PREP: variants seen among roughly 807,000 people sequenced by gnomAD.
The protein encoded by PREP is dJ355L5.1 (prolyl endopeptidase).
In PREP, 29 loss-of-function variants were observed where a neutral mutation model predicts 87.6. That is an observed-to-expected ratio of 0.33 (90% CI 0.25 to 0.45). The LOEUF (loss-of-function observed/expected upper bound fraction) is 0.45. Ranked by LOEUF, PREP falls within the 20% of genes least tolerant of loss-of-function variation. The pLI, the probability that PREP is intolerant of heterozygous loss-of-function variation, is 1.00. For synonymous variants in PREP, 337 were observed against 328.6 expected (o/e 1.03, Z -0.28); for missense variants, 695 against 886.5 (o/e 0.78, Z 2.74).
At chr6:105,335,600 AT>A (rs1771456788) in intron 7 of PREP, among the ~76,000 whole-genome samples, 1 of 152,192 alleles carries the variant, frequency 6.6e-6, no homozygotes, top group African/African-American at 2.4e-5. Flanking sequence ...ATAGGTAAAT[AT>A]AAAAATAGGG....
At chr6:105,377,834 T>C (rs117099422) in intron 2 of PREP, among the ~76,000 whole-genome samples, 215 of 152,298 alleles carry the variant, frequency 1.4e-3, no homozygotes, top group Admixed American at 2.5e-3. Context: ...ACTTTACAGA[T>C]TGGGAAACTG....
intron 7 of PREP, 91 bp downstream of exon 7, chr6:105,352,881 A>AG: frequency 9.0e-7 from 1 of 1,109,332 alleles, no homozygotes; most frequent in South Asian, 1.4e-5. Context: ...AGAATGGAAG[A>AG]GGGTCTTGGG....
At chr6:105,376,844 A>G (rs930601623) in intron 3 of PREP, among the ~76,000 whole-genome samples, 3 of 152,232 alleles carry the variant, frequency 2.0e-5, no homozygotes, top group Non-Finnish European at 4.4e-5. Context: ...TGGTAGGCAG[A>G]CTGTACGTTG....
At chr6:105,302,670 A>G in intron 10 of PREP, 1 of 482,482 alleles carries the variant, frequency 2.1e-6, no homozygotes, top group Non-Finnish European at 4.0e-6. Context: ...GGGCAATGGA[A>G]TTGTGGATGA....
At chr6:105,344,748 C>T (rs1401459422) in intron 7 of PREP, among the ~76,000 whole-genome samples, 1 of 152,098 alleles carries the variant, frequency 6.6e-6, no homozygotes, top group African/African-American at 2.4e-5. Flanking sequence ...TTAATGGGTG[C>T]AGCACACCAA....
In PREP at chr6:105,323,676, G is replaced by C; in HGVS notation, c.1306C>G (p.Gln436Glu). 1 of 1,609,708 alleles carries C rather than the reference G, an allele frequency of 6.2e-7. No homozygotes were observed. Among genetic ancestry groups the C allele is most frequent in the South Asian group, 1.1e-5 (1 of 90,986 alleles). ...CATATTCTCCATACCTGGACTGTCT[G>C]GTAATCAGAAGCATCAATTCCTTTT... ...TVKGIDASDY[Q>E]TVQIFYPSKD... The change falls in exon 10 of 15, where the codon CAG (glutamine) becomes GAG (glutamate). Residue 436 changes from glutamine (Q) to glutamate (E), a missense_variant. This residue lies in a region of PREP where 517 missense variants were observed against 620.3 expected (regional missense o/e 0.83). Coordinates refer to ENST00000652536, the MANE Select transcript of PREP (RefSeq NM_002726.5).
At chr6:105,363,182 C>T (rs1240531599) in intron 6 of PREP, among the ~76,000 whole-genome samples, 2 of 152,092 alleles carry the variant, frequency 1.3e-5, no homozygotes, top group South Asian at 2.1e-4. Flanking sequence ...TTAGGTATAA[C>T]AGAATTAGGT....
chr6:105,333,644 G>C, intron 7 of PREP, 139 bp from the exon 8 acceptor site: 1 of 892,986 alleles, frequency 1.1e-6, no homozygotes, highest in Non-Finnish European at 1.7e-6. Flanking sequence ...GGCATGAAAA[G>C]GAGCAAGAAC....
intron 6 of PREP, among the ~76,000 whole-genome samples, chr6:105,366,828 CA>C (rs1772398110): frequency 6.6e-6 from 1 of 151,838 alleles, no homozygotes; most frequent in Non-Finnish European, 1.5e-5. Context: ...AAGCCAGTCA[CA>C]AAAAGACAAA....
chr6:105,339,146 T>C (rs368044013), intron 7 of PREP, among the ~76,000 whole-genome samples: 2 of 152,196 alleles, frequency 1.3e-5, no homozygotes, highest in African/African-American at 2.4e-5. Context: ...TAGGGGCTGA[T>C]TGACACCTCA....
intron 6 of PREP, among the ~76,000 whole-genome samples, chr6:105,363,034 C>T (rs907528635): frequency 2.0e-5 from 3 of 152,140 alleles, no homozygotes; most frequent in African/African-American, 7.2e-5. Context: ...TCAGGCAACA[C>T]ACTTTATATG....
chr6:105,373,658 T>C, intron 4 of PREP, 80 bp from the exon 5 acceptor site: 1 of 1,335,848 alleles, frequency 7.5e-7, no homozygotes, highest in South Asian at 1.3e-5. Context: ...AACAAAGCTC[T>C]CTTTCATAAC....
At chr6:105,323,196 T>C (rs1771059460) in intron 10 of PREP, 2 of 1,106,434 alleles carry the variant, frequency 1.8e-6, no homozygotes, top group Non-Finnish European at 2.5e-6. Context: ...TTAATTAATT[T>C]ATTCATTCAA....
Position 105,350,381 on chromosome 6 carries a change from G to T in PREP, c.823+2591C>A, listed in dbSNP as rs762452872. Among the ~76,000 whole-genome samples the T allele has an allele frequency of 5.8e-4, 89 of 152,142 alleles. 1 individual carries two copies. In the Middle Eastern group the frequency reaches 0.02, roughly 35 times the overall value. ...GAGAGAAAAAAAAAACTTTAACAGG[G>T]TAACCAGTTATTTAGTGGCGGAGCT... On this transcript the variant is annotated intron_variant, in intron 7 of 14. Coordinates refer to ENST00000652536, the MANE Select transcript of PREP (RefSeq NM_002726.5).
At chr6:105,360,226 A>G (rs952387275) in intron 6 of PREP, among the ~76,000 whole-genome samples, 1 of 152,200 alleles carries the variant, frequency 6.6e-6, no homozygotes, top group Non-Finnish European at 1.5e-5. Flanking sequence ...TTGTGCTGTG[A>G]GTCAGCTAAT....
Position 105,277,830 on chromosome 6 carries a change from A to C in PREP, c.*314T>G. On this transcript the variant is annotated 3_prime_UTR_variant, in exon 15 of 15. Coordinates refer to ENST00000652536, the MANE Select transcript of PREP (RefSeq NM_002726.5). ...TGGATATAGATAAGTATGCCCGACT[A>C]TGATCCTTAATTCAGCAATCTAATA... is the stretch of plus-strand genomic sequence containing the variant. 2.8e-6 allele frequency: 1 copy of C among 362,648 alleles called. No homozygotes were observed. The highest frequency in any genetic ancestry group is 5.0e-6 in the Non-Finnish European group (1 of 199,446). 22.5% of individuals were successfully genotyped at this position (362,648 alleles called of 1,614,324 possible).
intron 2 of PREP, among the ~76,000 whole-genome samples, chr6:105,397,014 G>A (rs997616183): frequency 2.0e-5 from 3 of 151,936 alleles, no homozygotes; most frequent in South Asian, 2.1e-4. Flanking sequence ...TGAAACCCCC[G>A]TCTCTACTAA....
At chr6:105,291,052 T>C (rs1399322816) in intron 10 of PREP, among the ~76,000 whole-genome samples, 2 of 152,246 alleles carry the variant, frequency 1.3e-5, no homozygotes, top group Non-Finnish European at 2.9e-5. Flanking sequence ...TACACTAGAC[T>C]GTAGTCTATT....
chr6:105,401,655 T>C (rs953602842), intron 1 of PREP, among the ~76,000 whole-genome samples: 13 of 152,238 alleles, frequency 8.5e-5, no homozygotes, highest in Admixed American at 7.9e-4. Flanking sequence ...TCTTGAGCTG[T>C]TAGGGTAAAT....
Sources: allele counts gnomAD v4.1 joint callset (sites outside exome capture counted in the v4.1 genomes callset), GRCh38; gene constraint gnomAD v4.1.1; regional missense constraint gnomAD v4.1.1; transcripts MANE v1.5; gene names NCBI Gene and HGNC (gene_info 2026-07-23, HGNC 2026-07-21).